Variants in CNTLN observed in about 807,000 individuals in gnomAD.
The protein encoded by CNTLN is centlein, also known as centlein, centrosomal protein.
A neutral mutation model predicts 180.0 loss-of-function variants in CNTLN; 212 were observed. The ratio of observed to expected loss-of-function variants is 1.18; its 90% CI spans 1.05 to 1.32. CNTLN has a LOEUF of 1.32. Among genes scored for constraint, CNTLN ranks in the 40% most tolerant of loss-of-function variants. The pLI, the probability that CNTLN is intolerant of heterozygous loss-of-function variation, is 0.00. For synonymous variants in CNTLN, 722 were observed against 563.1 expected (o/e 1.28, Z -3.99); for missense variants, 2,095 against 1,610.9 (o/e 1.30, Z -5.14).
chr9:17,434,845 AGTT>A (rs1471578709), intron 18 of CNTLN, among the ~76,000 whole-genome samples: 1 of 151,998 alleles, frequency 6.6e-6, no homozygotes, highest in African/African-American at 2.4e-5. Flanking sequence ...AAAAAAAAAA[AGTT>A]GTTGTTTTGG....
intron 25 of CNTLN, among the ~76,000 whole-genome samples, chr9:17,491,105 A>G (rs987145659): frequency 6.6e-6 from 1 of 152,134 alleles, no homozygotes; most frequent in Non-Finnish European, 1.5e-5. Flanking sequence ...CCAAATTAAA[A>G]TTATAATAAA....
At chr9:17,248,053 G>A (rs1276027659) in intron 5 of CNTLN, among the ~76,000 whole-genome samples, 5 of 151,940 alleles carry the variant, frequency 3.3e-5, no homozygotes, top group Non-Finnish European at 7.4e-5. Context: ...GAACTCCTTA[G>A]CTCAAAGCGA....
Position 17,291,084 on chromosome 9 carries a change from GTTGTTCAGT to G in CNTLN, c.984-7103_984-7095del, listed in dbSNP as rs1829371155. ...ATACCCAGGAGTCATTCAGGAGCAG[GTTGTTCAGT>G]TTCCATGTAGTTGTGTGGTTTGAGT... On this transcript the variant is annotated intron_variant, in intron 6 of 25. Transcript: ENST00000380647. Among the ~76,000 whole-genome samples, 8 of 152,282 alleles carry G rather than the reference GTTGTTCAGT, an allele frequency of 5.3e-5. No individual in the cohort carries two copies. In the South Asian group the frequency reaches 1.7e-3, roughly 32 times the overall value.
chr9:17,236,434 A>C lies in CNTLN; in HGVS notation c.695A>C (p.Lys232Thr). The C allele has an allele frequency of 2.5e-6, 4 of 1,613,328 alleles. No individual in the cohort carries two copies. Among genetic ancestry groups the C allele is most frequent in the Non-Finnish European group, 3.4e-6 (4 of 1,179,560 alleles). The change falls in exon 5 of 26, where the codon AAA (lysine) becomes ACA (threonine). Residue 232 changes from lysine (K) to threonine (T), a missense_variant. Transcript: ENST00000380647. ...GACACTAAGGAGTGTGTACAGAACA[A>C]AGAAGAGCAAAACAGACTAGTTATA... ...IKDTKECVQNKEEQNRLVIKN... is the reference protein window; with the variant it reads ...IKDTKECVQNTEEQNRLVIKN...
chr9:17,265,996 G>T (rs1458545741), intron 5 of CNTLN, among the ~76,000 whole-genome samples: 1 of 152,042 alleles, frequency 6.6e-6, no homozygotes, highest in Non-Finnish European at 1.5e-5. Context: ...CCAGCTCCTG[G>T]ATTCATTAAT....
chr9:17,468,457 T>A (rs932955177), intron 23 of CNTLN, among the ~76,000 whole-genome samples: 1 of 151,750 alleles, frequency 6.6e-6, no homozygotes, highest in African/African-American at 2.4e-5. Context: ...TTATGAGTAT[T>A]ACCTTCATAA....
chr9:17,314,346 T>C (rs2132971539), intron 8 of CNTLN, among the ~76,000 whole-genome samples: 1 of 152,334 alleles, frequency 6.6e-6, no homozygotes, highest in South Asian at 2.1e-4. Context: ...ATATATGTTA[T>C]AGAGACTCTG....
At chr9:17,521,265 A>AAGAGAGAGAGAGAGAG in the CNTLN span, among the ~76,000 whole-genome samples, 7,434 of 118,418 alleles carry the variant, frequency 0.063, 482 homozygotes, top group East Asian at 0.13. Context: ...AAGGGAGAAA[A>AAGAGAGAGAGAGAGAG]AGAGAGAGAG....
chr9:17,250,061 G>T (rs1385954927), intron 5 of CNTLN, among the ~76,000 whole-genome samples: 1 of 151,186 alleles, frequency 6.6e-6, no homozygotes, highest in African/African-American at 2.4e-5. Context: ...GGGCTCTGTT[G>T]TTTGGTGCCT....
chr9:17,309,030 T>C, intron 7 of CNTLN, 28 bp from the exon 8 acceptor site: 1 of 1,422,154 alleles, frequency 7.0e-7, no homozygotes, highest in African/African-American at 1.4e-5. Flanking sequence ...TGATTATTAA[T>C]ATAATTTGGA....
intron 3 of CNTLN, 100 bp downstream of exon 3, chr9:17,226,387 T>C: frequency 1.7e-6 from 1 of 576,812 alleles, no homozygotes. Context: ...TTATTGAGAA[T>C]ATCAGGGTCC....
At chr9:17,423,332 G>A (rs1193555131) in intron 18 of CNTLN, among the ~76,000 whole-genome samples, 1 of 152,168 alleles carries the variant, frequency 6.6e-6, no homozygotes, top group Non-Finnish European at 1.5e-5. Flanking sequence ...CTGGCCCAGG[G>A]TGGGTCTAGA....
At chr9:17,516,614 AAT>A in the CNTLN span, among the ~76,000 whole-genome samples, 5 of 152,156 alleles carry the variant, frequency 3.3e-5, no homozygotes, top group Non-Finnish European at 7.3e-5. Context: ...CCCCCTGGAT[AAT>A]ATGCCTTTAC....
chr9:17,230,415 C>CT (rs145525077), intron 3 of CNTLN, among the ~76,000 whole-genome samples: 18,211 of 151,858 alleles, frequency 0.12, 1,376 homozygotes, highest in African/African-American at 0.21. Context: ...AGGAAGCGGT[C>CT]TGTAGTGTTA....
At chr9:17,329,111 A>G (rs751899181) in intron 8 of CNTLN, among the ~76,000 whole-genome samples, 2 of 152,066 alleles carry the variant, frequency 1.3e-5, no homozygotes, top group African/African-American at 4.8e-5. Context: ...GGATATACCA[A>G]TAAACTAAAA....
intron 5 of CNTLN, among the ~76,000 whole-genome samples, chr9:17,245,868 C>T (rs939928537): frequency 2.6e-5 from 4 of 151,856 alleles, no homozygotes; most frequent in Admixed American, 2.6e-4. Context: ...TTTTCAGTTC[C>T]AGAATTTCTG....
intron 8 of CNTLN, among the ~76,000 whole-genome samples, chr9:17,323,008 G>A (rs1365637674): frequency 1.3e-5 from 2 of 152,174 alleles, no homozygotes; most frequent in Non-Finnish European, 2.9e-5. Context: ...AAATGGGTAA[G>A]AGGGAATTAA....
chr9:17,317,273 A>G (rs959855804), intron 8 of CNTLN, among the ~76,000 whole-genome samples: 1 of 152,174 alleles, frequency 6.6e-6, no homozygotes, highest in Admixed American at 6.5e-5. Context: ...CATTTTATGG[A>G]CAGTTTAAAT....
At chr9:17,498,273 G>A (rs895351725) in intron 25 of CNTLN, among the ~76,000 whole-genome samples, 1 of 151,978 alleles carries the variant, frequency 6.6e-6, no homozygotes, top group Non-Finnish European at 1.5e-5. Context: ...TTTAAGCTCT[G>A]CTATTTTTCT....
Sources: allele counts gnomAD v4.1 joint callset (sites outside exome capture counted in the v4.1 genomes callset), GRCh38; gene constraint gnomAD v4.1.1; transcripts MANE v1.5; gene names NCBI Gene and HGNC (gene_info 2026-07-23, HGNC 2026-07-21).